The following IMPG1 variants were observed in gnomAD, a reference collection of about 807,000 sequenced individuals.
IMPG1 encodes the protein interphotoreceptor matrix proteoglycan of 150 kDa.
IMPG1 carries 85 observed loss-of-function variants against 92.0 expected under a neutral mutation model. The ratio of observed to expected loss-of-function variants is 0.92; its 90% CI spans 0.78 to 1.11. The LOEUF (loss-of-function observed/expected upper bound fraction) is 1.11, where lower values mean the gene tolerates loss of function less well. Ranked by LOEUF, IMPG1 falls within the 50% of genes least tolerant of loss-of-function variation. IMPG1 has a pLI of 0.00. For missense variants in IMPG1, 1,022 were observed against 956.0 expected, an observed-to-expected ratio of 1.07 and a Z score of -0.91; for synonymous variants, 367 against 334.1, an observed-to-expected ratio of 1.10 and a Z score of -1.08.
At chr6:76,000,757 A>C (rs1417640962) in intron 12 of IMPG1, among the ~76,000 whole-genome samples, 1 of 152,236 alleles carries the variant, frequency 6.6e-6, no homozygotes, top group East Asian at 1.9e-4. Context: ...TGAAAGTTAC[A>C]TCCCTGCTTT....
intron 12 of IMPG1, among the ~76,000 whole-genome samples, chr6:75,958,664 C>T (rs1054711476): frequency 7.2e-5 from 11 of 151,888 alleles, no homozygotes; most frequent in African/African-American, 2.4e-4. Context: ...TCCGCTTGAC[C>T]GATTCGCCCA....
rs779639074 is a variant in IMPG1, at chr6:76,022,440, G to T, written c.563-221C>A. ...TTCTTTCTCTTAAGGACCCAAATTTGGTGCTTCCCTGTATGTGTTATACTT... is the reference window on the plus strand; with the variant it reads ...TTCTTTCTCTTAAGGACCCAAATTTTGTGCTTCCCTGTATGTGTTATACTT... On this transcript the variant is annotated intron_variant, in intron 5 of 16. Coordinates refer to ENST00000369950, the MANE Select transcript of IMPG1 (RefSeq NM_001563.4). Among the ~76,000 whole-genome samples the T allele has an allele frequency of 4.9e-4, 74 of 151,938 alleles. 2 individuals are homozygous for T. The highest frequency in any genetic ancestry group is 3.3e-4 in the Admixed American group (5 of 15,268).
At chr6:75,928,734 A>G (rs1490647625) in intron 15 of IMPG1, 4 of 152,152 alleles carry the variant, frequency 2.6e-5, no homozygotes, top group Non-Finnish European at 1.5e-5. Flanking sequence ...TATCTATTCC[A>G]CATTTTTATT....
intron 1 of IMPG1, among the ~76,000 whole-genome samples, chr6:76,049,004 A>G (rs533436013): frequency 6.6e-6 from 1 of 152,314 alleles, no homozygotes; most frequent in South Asian, 2.1e-4. Context: ...TATACCATGG[A>G]CTACTATACA....
chr6:76,057,415 G>A (rs1784137853), intron 1 of IMPG1, among the ~76,000 whole-genome samples: 1 of 152,112 alleles, frequency 6.6e-6, no homozygotes, highest in South Asian at 2.1e-4. Context: ...ATGTGCAGTG[G>A]GGAAGAGATT....
At chr6:76,051,839 G>A (rs1784048429) in intron 1 of IMPG1, among the ~76,000 whole-genome samples, 1 of 152,106 alleles carries the variant, frequency 6.6e-6, no homozygotes, top group Admixed American at 6.5e-5. Flanking sequence ...GCAAAAATCA[G>A]GTTTAACCAT....
intron 12 of IMPG1, among the ~76,000 whole-genome samples, chr6:75,966,330 T>C (rs973480489): frequency 6.6e-6 from 1 of 152,178 alleles, no homozygotes; most frequent in South Asian, 2.1e-4. Flanking sequence ...CTAAGACTCA[T>C]GTTGAAATTT....
intron 12 of IMPG1, among the ~76,000 whole-genome samples, chr6:75,959,883 T>G (rs1011745686): frequency 6.6e-6 from 1 of 152,154 alleles, no homozygotes; most frequent in African/African-American, 2.4e-5. Flanking sequence ...CAGTTCCCTC[T>G]CGCTGGCGTT....
chr6:76,072,552 AG>A lies in IMPG1; in HGVS notation c.-65del. The A allele has an allele frequency of 1.1e-6, 1 of 945,386 alleles. No homozygotes were observed. The highest frequency in any genetic ancestry group is 1.6e-6 in the Non-Finnish European group (1 of 609,160). The allele number at this position is 945,386 out of a possible 1,614,324, so 58.6% of individuals were successfully genotyped here. On this transcript the variant is annotated 5_prime_UTR_variant, in exon 1 of 17. Transcript: ENST00000369950. ...AGAACAACCTCAAATCTCATTAAAA[AG>A]TAACAGAAATGTGAAAAATAATTAT...
chr6:76,069,708 G>T (rs767677290), intron 1 of IMPG1, among the ~76,000 whole-genome samples: 1 of 149,764 alleles, frequency 6.7e-6, no homozygotes, highest in Non-Finnish European at 1.5e-5. Context: ...CAACAGCAAA[G>T]ACATGGAATC....
intron 12 of IMPG1, among the ~76,000 whole-genome samples, chr6:75,996,211 T>C: frequency 6.6e-6 from 1 of 152,124 alleles, no homozygotes; most frequent in East Asian, 1.9e-4. Flanking sequence ...TAGTGGCATA[T>C]GGGGCAAAGC....
intron 1 of IMPG1, among the ~76,000 whole-genome samples, chr6:76,053,807 T>C (rs1784079456): frequency 6.6e-6 from 1 of 152,144 alleles, no homozygotes; most frequent in African/African-American, 2.4e-5. Flanking sequence ...TTTGGTTTTA[T>C]TGCTATCATG....
At chr6:76,069,226 T>A (rs113748395) in intron 1 of IMPG1, among the ~76,000 whole-genome samples, 1 of 151,952 alleles carries the variant, frequency 6.6e-6, no homozygotes, top group Admixed American at 6.6e-5. Flanking sequence ...ATTAGCCCAA[T>A]AGAGATAAAA....
intron 12 of IMPG1, among the ~76,000 whole-genome samples, chr6:75,989,845 T>TAATAA (rs374453418): frequency 8.1e-4 from 123 of 152,204 alleles, no homozygotes; most frequent in Admixed American, 1.3e-3. Context: ...TTGGTCTCAA[T>TAATAA]AATAAAATAA....
intron 1 of IMPG1, among the ~76,000 whole-genome samples, chr6:76,062,551 A>C (rs936301127): frequency 6.6e-6 from 1 of 152,148 alleles, no homozygotes; most frequent in African/African-American, 2.4e-5. Context: ...ACTATTGGTA[A>C]TTTTCATCTC....
intron 14 of IMPG1, 86 bp downstream of exon 14, chr6:75,947,228 A>C: frequency 9.6e-7 from 1 of 1,044,008 alleles, no homozygotes; most frequent in African/African-American, 1.6e-5. Context: ...TTGTGGCCTA[A>C]AGATTGAAAC....
intron 12 of IMPG1, among the ~76,000 whole-genome samples, chr6:75,996,872 C>T (rs567454718): frequency 8.5e-5 from 13 of 152,228 alleles, no homozygotes; most frequent in African/African-American, 2.9e-4. Context: ...AGACTGTTCA[C>T]CTCCAGAATG....
At chr6:76,035,001 T>TGTGTGTGTGTGTGTGTGTGTGC (rs753303346) in intron 2 of IMPG1, among the ~76,000 whole-genome samples, 1 of 150,598 alleles carries the variant, frequency 6.6e-6, no homozygotes, top group African/African-American at 2.4e-5. Flanking sequence ...ATTATGTGCG[T>TGTGTGTGTGTGTGTGTGTGTGC]GTGTGTGTGT....
chr6:75,933,163 G>T (rs1163398435), intron 14 of IMPG1, among the ~76,000 whole-genome samples: 2 of 152,090 alleles, frequency 1.3e-5, no homozygotes, highest in Non-Finnish European at 2.9e-5. Flanking sequence ...AAAGAAGGGG[G>T]CAAAGAGACT....
Sources: gnomAD v4.1 joint callset for allele counts (sites outside exome capture counted in the v4.1 genomes callset) on GRCh38, gnomAD v4.1.1 for gene constraint, MANE v1.5 for transcripts, NCBI Gene and HGNC (gene_info 2026-07-23, HGNC 2026-07-21) for gene names.